The following RPSA2 variants were observed in gnomAD, a reference collection of about 807,000 sequenced individuals.
The protein encoded by RPSA2 is ribosomal protein SA 2, also known as small ribosomal subunit protein uS2B.
chr19:23,782,336 G>A, the RPSA2 span: 2 of 152,070 alleles, frequency 1.3e-5, no homozygotes, highest in African/African-American at 4.8e-5. Context: ...TAACACTAAG[G>A]TGATGTAACT....
At chr19:23,837,500 T>A in the RPSA2 span, among the ~76,000 whole-genome samples, 1 of 152,174 alleles carries the variant, frequency 6.6e-6, no homozygotes, top group Admixed American at 6.5e-5. Context: ...CTGTGAAGAA[T>A]GTTGGTGGTA....
the RPSA2 span, among the ~76,000 whole-genome samples, chr19:23,831,174 TTA>T: frequency 6.6e-6 from 1 of 152,146 alleles, no homozygotes; most frequent in Admixed American, 6.5e-5. Flanking sequence ...TTTCAGCACT[TTA>T]TGTCATGAGA....
At chr19:23,794,630 G>A in the RPSA2 span, among the ~76,000 whole-genome samples, 1 of 152,160 alleles carries the variant, frequency 6.6e-6, no homozygotes, top group African/African-American at 2.4e-5. Context: ...CTATTATTCT[G>A]TGGTTGTCTG....
chr19:23,844,048 C>G, the RPSA2 span, among the ~76,000 whole-genome samples: 1 of 152,114 alleles, frequency 6.6e-6, no homozygotes, highest in Non-Finnish European at 1.5e-5. Flanking sequence ...TGTGAACCAC[C>G]GCACCTGGCC....
chr19:23,854,655 T>C, the RPSA2 span, among the ~76,000 whole-genome samples: 1 of 152,212 alleles, frequency 6.6e-6, no homozygotes, highest in African/African-American at 2.4e-5. Context: ...GCAGCAGCAT[T>C]TGGCTGTGTT....
At chr19:23,861,781 C>G in the RPSA2 span, among the ~76,000 whole-genome samples, 1 of 152,100 alleles carries the variant, frequency 6.6e-6, no homozygotes, top group African/African-American at 2.4e-5. Flanking sequence ...TGTTGAATAG[C>G]TAGGCTGTAA....
At chr19:23,772,664 T>A in the RPSA2 span, among the ~76,000 whole-genome samples, 1 of 152,166 alleles carries the variant, frequency 6.6e-6, no homozygotes, top group African/African-American at 2.4e-5. Flanking sequence ...GTTTCTAATA[T>A]GCACACCTCG....
At chr19:23,848,935 A>T in the RPSA2 span, among the ~76,000 whole-genome samples, 1 of 152,332 alleles carries the variant, frequency 6.6e-6, no homozygotes, top group Non-Finnish European at 1.5e-5. Flanking sequence ...AACTAAAGTG[A>T]AAACAAATCT....
chr19:23,855,943 G>C, the RPSA2 span, among the ~76,000 whole-genome samples: 1 of 152,140 alleles, frequency 6.6e-6, no homozygotes, highest in Non-Finnish European at 1.5e-5. Flanking sequence ...GTCCTGGGCT[G>C]TCTGTGTCAG....
the RPSA2 span, among the ~76,000 whole-genome samples, chr19:23,825,553 T>A: frequency 6.6e-6 from 1 of 152,154 alleles, no homozygotes; most frequent in African/African-American, 2.4e-5. Context: ...TTGTTGTGAA[T>A]GGTTTTCTAA....
At chr19:23,790,856 C>T in the RPSA2 span, 2 of 522,812 alleles carry the variant, frequency 3.8e-6, no homozygotes, top group Non-Finnish European at 6.9e-6. Flanking sequence ...GGACTCAGGC[C>T]TCCCCGCAGT....
the RPSA2 span, chr19:23,758,825 G>A: frequency 4.4e-6 from 7 of 1,594,510 alleles, no homozygotes; most frequent in Non-Finnish European, 6.0e-6. Context: ...ATAGAGGCTG[G>A]GCCTCTAGAA....
At chr19:23,849,057 A>G in the RPSA2 span, among the ~76,000 whole-genome samples, 148,967 of 152,298 alleles carry the variant, frequency 0.98, 72,947 homozygotes, top group Middle Eastern at 1. Flanking sequence ...TTGAGCTCGA[A>G]CCAACATTTC....
At chr19:23,866,586 G>A in the RPSA2 span, among the ~76,000 whole-genome samples, 1 of 141,500 alleles carries the variant, frequency 7.1e-6, no homozygotes, top group South Asian at 2.2e-4. Context: ...TGGGCTCACC[G>A]ATGCCACTCA....
At chr19:23,799,019 A>T in the RPSA2 span, 52 of 152,332 alleles carry the variant, frequency 3.4e-4, no homozygotes, top group African/African-American at 1.2e-3. Flanking sequence ...TAGAAAAAAT[A>T]TTTTATGATT....
the RPSA2 span, among the ~76,000 whole-genome samples, chr19:23,858,233 C>A: frequency 7.8e-6 from 1 of 128,172 alleles, no homozygotes; most frequent in Non-Finnish European, 1.5e-5. Context: ...AGCCAGCACA[C>A]CTGACCTGAA....
the RPSA2 span, among the ~76,000 whole-genome samples, chr19:23,841,641 C>T: frequency 1.3e-5 from 2 of 152,160 alleles, no homozygotes; most frequent in Non-Finnish European, 2.9e-5. Flanking sequence ...TGGAAAAACA[C>T]TCATGGAATT....
the RPSA2 span, among the ~76,000 whole-genome samples, chr19:23,852,668 C>T: frequency 1.3e-5 from 2 of 152,166 alleles, 1 homozygote. Flanking sequence ...CATAAACCCA[C>T]ATCCTTTCAG....
chr19:23,801,320 A>G, the RPSA2 span, among the ~76,000 whole-genome samples: 1 of 39,334 alleles, frequency 2.5e-5, no homozygotes, highest in Admixed American at 3.7e-4. Context: ...GCTCACTGCA[A>G]CCTCTTCCTC....
Sources: gnomAD v4.1 joint callset for allele counts (sites outside exome capture counted in the v4.1 genomes callset) on GRCh38, gnomAD v4.1.1 for gene constraint, MANE v1.5 for transcripts, NCBI Gene and HGNC (gene_info 2026-07-23, HGNC 2026-07-21) for gene names.